CASS4: variants seen among roughly 807,000 people sequenced by gnomAD.
The protein encoded by CASS4 is Cas scaffold protein family member 4, also known as cas scaffolding protein family member 4.
Under a neutral mutation model 54.2 loss-of-function variants are expected in CASS4, and 22 were observed. The observed-to-expected ratio is 0.41, with a 90% confidence interval of 0.29 to 0.58. CASS4 has a LOEUF of 0.58. CASS4 is among the 20% of genes least tolerant of loss of function. The probability of loss-of-function intolerance (pLI) is 0.36; values close to 1 mark genes in which losing one functional copy is unlikely to be tolerated. For synonymous variants in CASS4, 409 were observed against 391.5 expected, an observed-to-expected ratio of 1.04 and a Z score of -0.53; for missense variants, 854 against 986.7, an observed-to-expected ratio of 0.87 and a Z score of 1.80.
In CASS4 at chr20:56,452,042, C is replaced by G; in HGVS notation, c.866C>G (p.Ser289Cys). 1 of 1,614,162 alleles carries G rather than the reference C, an allele frequency of 6.2e-7. No homozygotes were observed. The highest frequency in any genetic ancestry group is 8.5e-7 in the Non-Finnish European group (1 of 1,180,022). Residue 289 changes from serine to cysteine, a missense_variant, in exon 5 of 6, where the codon TCC becomes TGC. Coordinates refer to ENST00000679887, the MANE Select transcript of CASS4 (RefSeq NM_020356.4). The stretch of plus-strand genomic sequence containing the variant: ...AATCCTCCAAGTGGCAGATCCAGGT[C>G]CCTCACTCCACAACTGAATAACAAT... ...FYNPPSGRSRSLTPQLNNNVP... is the reference protein window; with the variant it reads ...FYNPPSGRSRCLTPQLNNNVP...
chr20:56,440,049 G>T (rs1460288204), intron 2 of CASS4, among the ~76,000 whole-genome samples: 1 of 152,190 alleles, frequency 6.6e-6, no homozygotes, highest in East Asian at 1.9e-4. Flanking sequence ...GGAAAGTGTT[G>T]ATTCCTTAGA....
chr20:56,421,003 G>A (rs1979384851), intron 1 of CASS4, among the ~76,000 whole-genome samples: 1 of 152,212 alleles, frequency 6.6e-6, no homozygotes, highest in African/African-American at 2.4e-5. Context: ...AAACAAAAGA[G>A]TGGCTCCTTG....
intron 1 of CASS4, among the ~76,000 whole-genome samples, chr20:56,429,234 G>A (rs111899912): frequency 1.2e-4 from 18 of 152,252 alleles, no homozygotes; most frequent in African/African-American, 1.7e-4. Flanking sequence ...GAAAGTGTGC[G>A]GGCCAGTTCC....
chr20:56,419,644 T>C (rs1569134696), intron 1 of CASS4, among the ~76,000 whole-genome samples: 2 of 151,954 alleles, frequency 1.3e-5, no homozygotes, highest in African/African-American at 4.8e-5. Flanking sequence ...TTGCCCAGGC[T>C]GGTCTCGAAC....
chr20:56,414,920 C>T lies in CASS4; in HGVS notation c.36+2426C>T, dbSNP rs1324519498. Among the ~76,000 whole-genome samples the T allele has an allele frequency of 6.6e-6, 1 of 152,136 alleles. No homozygotes were observed. Among genetic ancestry groups the T allele is most frequent in the Non-Finnish European group, 1.5e-5 (1 of 68,016 alleles). On this transcript the variant is annotated intron_variant, in intron 1 of 5. Transcript: ENST00000679887. This position sits in a 1 kb window ranked among gnomAD's most constrained non-coding sequence, Gnocchi z 4.1. ...TTACCGATTGTCTACATGTGAGGCCCTGTGCTGAGTGCTCTACTTGCATTT... is the reference window on the plus strand; with the variant it reads ...TTACCGATTGTCTACATGTGAGGCCTTGTGCTGAGTGCTCTACTTGCATTT...
chr20:56,418,970 T>G (rs1446216516), intron 1 of CASS4, among the ~76,000 whole-genome samples: 1 of 152,160 alleles, frequency 6.6e-6, no homozygotes, highest in East Asian at 1.9e-4. Flanking sequence ...ACCTGTAGTC[T>G]TTGAACATTT....
At chr20:56,413,545 T>C (rs1978984923) in intron 1 of CASS4, among the ~76,000 whole-genome samples, 1 of 151,940 alleles carries the variant, frequency 6.6e-6, no homozygotes, top group Non-Finnish European at 1.5e-5. Context: ...TGGTGGCGCA[T>C]GCCCGTGATC....
chr20:56,419,466 C>T (rs6024868), intron 1 of CASS4, among the ~76,000 whole-genome samples: 1,886 of 152,170 alleles, frequency 0.012, 37 homozygotes, highest in African/African-American at 0.043. Context: ...ACACCACCCC[C>T]GCTCAGGCTG....
chr20:56,452,040 G>A lies in CASS4; in HGVS notation c.864G>A (p.Arg288=). 6.2e-7 allele frequency: 1 copy of A among 1,614,140 alleles called. No homozygotes were observed. Among genetic ancestry groups the A allele is most frequent in the East Asian group, 2.2e-5 (1 of 44,876 alleles). Residue 288 remains arginine (R), a synonymous_variant, in exon 5 of 6, where the codon AGG becomes AGA. Transcript: ENST00000679887. ...TFYNPPSGRS[R]SLTPQLNNNV... ...ACAATCCTCCAAGTGGCAGATCCAG[G>A]TCCCTCACTCCACAACTGAATAACA...
In CASS4 at chr20:56,437,038, G is replaced by C; in HGVS notation, c.37-126G>C. ...AAAGAGCAGGGACAAGAGCCTCTGG[G>C]GTGGAAGAAATGAAATGAAAGGGCA... On this transcript the variant is annotated intron_variant, in intron 1 of 5. Coordinates refer to ENST00000679887, the MANE Select transcript of CASS4 (RefSeq NM_020356.4). The surrounding 1 kb of genome is among the most constrained non-coding windows in gnomAD (Gnocchi z 4.7). The C allele has an allele frequency of 1.2e-6, 1 of 856,240 alleles. No homozygotes were observed. The highest frequency in any genetic ancestry group is 1.8e-6 in the Non-Finnish European group (1 of 555,812). The allele number at this position is 856,240 out of a possible 1,614,324, so 53.0% of individuals were successfully genotyped here. A position where few individuals can be genotyped will look rare whatever the true frequency, so the allele number is the denominator to read the frequency against.
chr20:56,455,391 G>A (rs1415106393), intron 5 of CASS4, among the ~76,000 whole-genome samples: 1 of 152,184 alleles, frequency 6.6e-6, no homozygotes, highest in Admixed American at 6.5e-5. Context: ...CTAGGTTATA[G>A]GGCAGATGGG....
Position 56,437,721 on chromosome 20 carries a change from C to A in CASS4, c.459+135C>A, listed in dbSNP as rs372994301. ...AGCCCAGATTGCTGGCAATCACGCT[C>A]GGGGAGCTTGTGTGCCAGGTTGGGA... On this transcript the variant is annotated intron_variant, in intron 2 of 5. Transcript: ENST00000679887. The surrounding 1 kb of genome is among the most constrained non-coding windows in gnomAD (Gnocchi z 4.7). 6.1e-6 allele frequency: 5 copies of A among 814,556 alleles called. No homozygotes were observed. The highest frequency in any genetic ancestry group is 2.9e-5 in the East Asian group (1 of 34,718). 50.5% of individuals were successfully genotyped at this position (814,556 alleles called of 1,614,324 possible).
At chr20:56,456,669 C>T (rs1981312928) in intron 5 of CASS4, among the ~76,000 whole-genome samples, 1 of 144,990 alleles carries the variant, frequency 6.9e-6, no homozygotes. Context: ...GTCACCGTGC[C>T]CAGCTCCCTT....
intron 1 of CASS4, among the ~76,000 whole-genome samples, chr20:56,433,963 G>A (rs1486339015): frequency 1.3e-5 from 2 of 152,210 alleles, no homozygotes; most frequent in South Asian, 2.1e-4. Context: ...CGGCATGAGG[G>A]CTGCAGCTGA....
intron 4 of CASS4, 97 bp downstream of exon 4, chr20:56,450,776 G>A: frequency 8.7e-7 from 1 of 1,151,222 alleles, no homozygotes. Flanking sequence ...GCTGAAGCCT[G>A]TAATCCCAGC....
chr20:56,458,115 TTATA>T (rs1352608108), intron 5 of CASS4, among the ~76,000 whole-genome samples: 1 of 151,440 alleles, frequency 6.6e-6, no homozygotes, highest in Non-Finnish European at 1.5e-5. Flanking sequence ...TTGAATAAAA[TTATA>T]TATGTATGTA....
intron 1 of CASS4, among the ~76,000 whole-genome samples, chr20:56,434,310 G>A (rs1367046541): frequency 6.6e-6 from 1 of 152,136 alleles, no homozygotes; most frequent in Non-Finnish European, 1.5e-5. Context: ...GCTAAAACCT[G>A]CAATTAGCTA....
intron 1 of CASS4, among the ~76,000 whole-genome samples, chr20:56,413,446 G>A (rs6024864): frequency 0.45 from 67,605 of 151,632 alleles, 17,922 homozygotes; most frequent in African/African-American, 0.75. Context: ...GCCAAGGCAG[G>A]TGGATCACTT....
At chr20:56,428,623 C>T (rs973109938) in intron 1 of CASS4, among the ~76,000 whole-genome samples, 2 of 152,218 alleles carry the variant, frequency 1.3e-5, no homozygotes, top group Admixed American at 6.5e-5. Context: ...ATTTCTTGCC[C>T]AGCTCCTATA....
Sources: allele counts gnomAD v4.1 joint callset (sites outside exome capture counted in the v4.1 genomes callset), GRCh38; gene constraint gnomAD v4.1.1; non-coding constraint Gnocchi (gnomAD v3.1); transcripts MANE v1.5; gene names NCBI Gene and HGNC (gene_info 2026-07-23, HGNC 2026-07-21).